The following DNAH11 variants were observed in gnomAD, a reference collection of about 807,000 sequenced individuals.
DNAH11 encodes the protein dynein axonemal heavy chain 11, also known as axonemal beta dynein heavy chain 11.
A neutral mutation model predicts 526.0 loss-of-function variants in DNAH11; 442 were observed. The ratio of observed to expected loss-of-function variants is 0.84; its 90% confidence interval spans 0.78 to 0.91. The LOEUF is 0.91. Ranked by LOEUF, DNAH11 falls within the 40% of genes least tolerant of loss-of-function variation. The pLI, the probability that DNAH11 is intolerant of heterozygous loss-of-function variation, is 0.00. For missense variants in DNAH11, 6,989 were observed against 5,448.7 expected (o/e 1.28, Z -8.90); for synonymous variants, 2,461 against 1,935.9 (o/e 1.27, Z -7.12).
chr7:21,646,810 T>C (rs889461828), intron 28 of DNAH11, among the ~76,000 whole-genome samples: 2 of 152,050 alleles, frequency 1.3e-5, no homozygotes, highest in African/African-American at 4.8e-5. Context: ...AATAGCAATA[T>C]CCAAAAGGAT....
chr7:21,838,537 C>T (rs1468994359), intron 65 of DNAH11, among the ~76,000 whole-genome samples: 1 of 152,116 alleles, frequency 6.6e-6, no homozygotes, highest in African/African-American at 2.4e-5. Flanking sequence ...CTGGACATTT[C>T]ACTAAGTGGA....
rs1354992210 is a variant in DNAH11, at chr7:21,744,451, CT to C, written c.8170del (p.Ser2724LeufsTer5). 6.2e-7 allele frequency: 1 copy of C among 1,613,250 alleles called. No individual in the cohort carries two copies. Among genetic ancestry groups the C allele is most frequent in the African/African-American group, 1.3e-5 (1 of 74,892 alleles). On this transcript the variant is annotated frameshift_variant, in exon 50 of 82. Transcript: ENST00000409508. LOFTEE classifies it high-confidence loss of function. Reference protein sequence around the residue: ...LSNVFQGILFASPECLKGPLD... With the variant: ...LSNVFQGILFXSPECLKGPLD... ...CTTGCCTTGTAGGGGATTTTATTTG[CT>C]TCTCCTGAGTGTTTAAAAGGTCCAC...
chr7:21,667,530 G>C (rs1333374132), intron 30 of DNAH11, among the ~76,000 whole-genome samples: 1 of 152,126 alleles, frequency 6.6e-6, no homozygotes, highest in Non-Finnish European at 1.5e-5. Context: ...TTTAGAGAAA[G>C]AAGCAGAACA....
intron 65 of DNAH11, among the ~76,000 whole-genome samples, chr7:21,821,052 T>C (rs1790030535): frequency 6.6e-6 from 1 of 152,140 alleles, no homozygotes; most frequent in South Asian, 2.1e-4. Context: ...CAGTGTGATA[T>C]CAAGGAGTTA....
intron 25 of DNAH11, among the ~76,000 whole-genome samples, chr7:21,622,564 A>C (rs921360116): frequency 1.3e-5 from 2 of 152,196 alleles, no homozygotes; most frequent in Admixed American, 6.5e-5. Flanking sequence ...ACCCGACTTC[A>C]AACTATACTA....
Position 21,600,897 on chromosome 7 carries a change from A to G in DNAH11, c.3222A>G (p.Glu1074=), listed in dbSNP as rs1457009469. The G allele has an allele frequency of 8.7e-6, 14 of 1,613,944 alleles. No homozygotes were observed. The highest frequency in any genetic ancestry group is 1.2e-5 in the Non-Finnish European group (14 of 1,179,854). Residue 1074 remains glutamate (E), a synonymous_variant, in exon 16 of 82, where the codon GAA becomes GAG. Coordinates refer to ENST00000409508, the MANE Select transcript of DNAH11 (RefSeq NM_001277115.2). ...CTCATGCAAATGAAGAAATTCCCGA[A>G]CAACCACCAACTCTTGAGCAATTCA... The part of the protein sequence containing the change: ...MDAHANEEIP[E]QPPTLEQFKE...
At chr7:21,880,637 C>T (rs530042732) in intron 74 of DNAH11, 65 bp from the exon 75 acceptor site, 226 of 1,563,450 alleles carry the variant, frequency 1.4e-4, no homozygotes, top group Non-Finnish European at 1.8e-4. Context: ...TTATTGAAAA[C>T]GCAGACCCTT....
At chr7:21,610,894 A>C (rs1453943564) in intron 20 of DNAH11, among the ~76,000 whole-genome samples, 2 of 152,252 alleles carry the variant, frequency 1.3e-5, no homozygotes, top group African/African-American at 4.8e-5. Context: ...CAACTGTTCT[A>C]TTCATACTTC....
intron 66 of DNAH11, among the ~76,000 whole-genome samples, chr7:21,847,108 T>C (rs1782449537): frequency 6.6e-6 from 1 of 152,208 alleles, no homozygotes; most frequent in Non-Finnish European, 1.5e-5. Flanking sequence ...TAGAGTATTA[T>C]AAATTCTGTT....
In DNAH11 at chr7:21,901,023, C is replaced by T. The variant is rs1562614172; in HGVS notation, c.13320C>T (p.Thr4440=). The change falls in exon 82 of 82, where the codon ACC becomes ACT. Residue 4440 remains threonine (T), a synonymous_variant. Transcript: ENST00000409508. ...GLFMEGARWD[T]QAGTIVEARL... ...TTGCCATAGGCGCCCGCTGGGACAC[C>T]CAAGCAGGAACCATTGTTGAAGCCC... 1 of 1,605,738 alleles carries T rather than the reference C, an allele frequency of 6.2e-7. No homozygotes were observed. The highest frequency in any genetic ancestry group is 1.1e-5 in the South Asian group (1 of 89,642).
chr7:21,663,487 G>C (rs184712529), intron 30 of DNAH11, among the ~76,000 whole-genome samples: 68 of 152,162 alleles, frequency 4.5e-4, no homozygotes, highest in African/African-American at 1.5e-3. Flanking sequence ...ACCAACATCT[G>C]TGTTGTTGTT....
chr7:21,588,417 G>C, intron 10 of DNAH11, 95 bp from the exon 11 acceptor site: 1 of 1,505,280 alleles, frequency 6.6e-7, no homozygotes, highest in Non-Finnish European at 9.1e-7. Flanking sequence ...TTATACTACT[G>C]TAAAAATACC....
intron 64 of DNAH11, among the ~76,000 whole-genome samples, chr7:21,817,770 A>C (rs1475994981): frequency 6.6e-6 from 1 of 152,094 alleles, no homozygotes; most frequent in African/African-American, 2.4e-5. Context: ...ATTTTGTGGA[A>C]AGTAAGACCA....
chr7:21,851,581 C>T (rs1782639930), intron 66 of DNAH11: 2 of 471,420 alleles, frequency 4.2e-6, no homozygotes, highest in Admixed American at 4.7e-5. Flanking sequence ...CATCCTTAGC[C>T]CAGAGCTGGT....
chr7:21,779,813 A>G (rs550293495), intron 57 of DNAH11, among the ~76,000 whole-genome samples: 20 of 152,350 alleles, frequency 1.3e-4, no homozygotes, highest in African/African-American at 3.8e-4. Context: ...ATACTTGTTT[A>G]AAAATTGAGT....
At chr7:21,878,759 C>T (rs1189081779) in intron 74 of DNAH11, among the ~76,000 whole-genome samples, 2 of 152,148 alleles carry the variant, frequency 1.3e-5, no homozygotes, top group African/African-American at 4.8e-5. Flanking sequence ...CTGATCCTGA[C>T]CCACAGAGAA....
chr7:21,717,628 T>C, intron 42 of DNAH11, 147 bp from the exon 43 acceptor site: 1 of 905,280 alleles, frequency 1.1e-6, no homozygotes, highest in East Asian at 2.7e-5. Context: ...TTTTAAAATA[T>C]TTGCAGTTTG....
At chr7:21,613,663 C>T (rs1292912334) in intron 20 of DNAH11, among the ~76,000 whole-genome samples, 5 of 152,104 alleles carry the variant, frequency 3.3e-5, no homozygotes, top group African/African-American at 1.2e-4. Flanking sequence ...TTGAAAATTG[C>T]TGAGTAGATT....
At chr7:21,560,633 G>C (rs1255997442) in intron 4 of DNAH11, among the ~76,000 whole-genome samples, 2 of 151,476 alleles carry the variant, frequency 1.3e-5, no homozygotes, top group Non-Finnish European at 2.9e-5. Flanking sequence ...CAGGAAGTCT[G>C]CTTTTCCATC....
Sources: gnomAD v4.1 joint callset for allele counts (sites outside exome capture counted in the v4.1 genomes callset) on GRCh38, gnomAD v4.1.1 for gene constraint, MANE v1.5 for transcripts, NCBI Gene and HGNC (gene_info 2026-07-23, HGNC 2026-07-21) for gene names.